Variants in AVEN observed in about 807,000 individuals in gnomAD.
AVEN encodes cell death regulator Aven.
A neutral mutation model predicts 38.1 loss-of-function variants in AVEN; 41 were observed. The observed-to-expected ratio is 1.08, with a 90% CI of 0.84 to 1.40. The LOEUF is 1.40. Ranked by LOEUF, AVEN falls within the 40% of genes most tolerant of loss-of-function variation. The pLI, the probability that AVEN is intolerant of heterozygous loss-of-function variation, is 0.00. For synonymous variants in AVEN, 206 were observed against 171.8 expected (o/e 1.20, Z -1.56); for missense variants, 605 against 438.8 (o/e 1.38, Z -3.38).
At chr15:33,970,713 C>T (rs1027768289) in intron 2 of AVEN, among the ~76,000 whole-genome samples, 1 of 151,808 alleles carries the variant, frequency 6.6e-6, no homozygotes, top group African/African-American at 2.4e-5. Flanking sequence ...TTCTACTATG[C>T]TCAATTTGCT....
intron 3 of AVEN, among the ~76,000 whole-genome samples, chr15:33,873,330 C>T (rs1230206246): frequency 6.6e-6 from 1 of 150,526 alleles, no homozygotes; most frequent in Non-Finnish European, 1.5e-5. Context: ...GAACTCCTGA[C>T]CTCAGGTAAT....
intron 2 of AVEN, chr15:34,067,581 T>TA (rs1900542436): frequency 1.3e-5 from 2 of 152,260 alleles, no homozygotes. Flanking sequence ...TTGGGATTGA[T>TA]ACACAGTATG....
intron 2 of AVEN, among the ~76,000 whole-genome samples, chr15:33,907,420 A>C (rs1045899998): frequency 1.3e-5 from 2 of 152,110 alleles, no homozygotes; most frequent in African/African-American, 4.8e-5. Flanking sequence ...TCCACATGGG[A>C]TTATGCTTTT....
At chr15:34,014,149 G>A (rs1266866584) in intron 1 of AVEN, among the ~76,000 whole-genome samples, 3 of 152,062 alleles carry the variant, frequency 2.0e-5, no homozygotes, top group African/African-American at 7.2e-5. Context: ...GATCACCTGA[G>A]GTCAGGAATT....
At chr15:33,863,189 G>T (rs1889115001), downstream of AVEN, among the ~76,000 whole-genome samples, 1 of 152,126 alleles carries the variant, frequency 6.6e-6, no homozygotes, top group South Asian at 2.1e-4. Flanking sequence ...TTTTATTCGT[G>T]TTTGAGCCTC....
the AVEN span, chr15:33,853,225 G>A: frequency 1.1e-6 from 1 of 913,206 alleles, no homozygotes; most frequent in Non-Finnish European, 1.6e-6. Context: ...GTCACAGAAG[G>A]GGTTGGATAT....
intron 2 of AVEN, among the ~76,000 whole-genome samples, chr15:33,983,798 A>C (rs1315998421): frequency 6.6e-6 from 1 of 152,110 alleles, no homozygotes; most frequent in East Asian, 1.9e-4. Flanking sequence ...ACTAAGAGTA[A>C]CTAAGTGATC....
intron 2 of AVEN, among the ~76,000 whole-genome samples, chr15:33,946,657 G>A (rs556524300): frequency 6.6e-6 from 1 of 152,272 alleles, no homozygotes; most frequent in East Asian, 1.9e-4. Flanking sequence ...TTGCTACAGA[G>A]CAGAGATCTA....
intron 5 of AVEN, among the ~76,000 whole-genome samples, chr15:34,062,303 C>A (rs1900360083): frequency 1.3e-5 from 2 of 152,248 alleles, no homozygotes; most frequent in Non-Finnish European, 2.9e-5. Context: ...CGCCTGTAAT[C>A]CCAGCACTTT....
downstream of AVEN, chr15:33,857,857 C>T (rs781110053): frequency 1.2e-6 from 2 of 1,614,162 alleles, no homozygotes; most frequent in South Asian, 2.2e-5. Context: ...TCCGCAAGTT[C>T]TACAACAAAA....
chr15:34,044,003 C>A (rs1215413313), upstream of AVEN, among the ~76,000 whole-genome samples: 2 of 151,882 alleles, frequency 1.3e-5, no homozygotes, highest in Non-Finnish European at 2.9e-5. Context: ...CCAGCAAATG[C>A]TCCCACTCTC....
At chr15:33,957,303 T>C (rs963828446) in intron 2 of AVEN, among the ~76,000 whole-genome samples, 1 of 152,218 alleles carries the variant, frequency 6.6e-6, no homozygotes, top group Non-Finnish European at 1.5e-5. Context: ...CAAGCTTCCT[T>C]GTCCATTAGA....
At chr15:34,070,132 G>A (rs1157034034) in intron 2 of AVEN, among the ~76,000 whole-genome samples, 1 of 152,194 alleles carries the variant, frequency 6.6e-6, no homozygotes, top group African/African-American at 2.4e-5. Flanking sequence ...GAAAATGAGT[G>A]CCAGCAGGGA....
Position 33,866,733 on chromosome 15 carries a change from G to T in AVEN, c.974-5C>A. 2 of 1,602,454 alleles carry T rather than the reference G, an allele frequency of 1.2e-6. No homozygotes were observed. The highest frequency in any genetic ancestry group is 1.7e-6 in the Non-Finnish European group (2 of 1,171,514). ...TCACAGATGGTTTTGCACAAACTGGGGGAAAAAAAACAATGTTAACACCCT... is the reference window on the plus strand; with the variant it reads ...TCACAGATGGTTTTGCACAAACTGGTGGAAAAAAAACAATGTTAACACCCT... On this transcript the variant is annotated splice_region_variant and splice_polypyrimidine_tract_variant and intron_variant, in intron 5 of 5. Transcript: ENST00000306730.
chr15:33,993,947 T>A (rs1267038534), intron 2 of AVEN, among the ~76,000 whole-genome samples: 1 of 152,266 alleles, frequency 6.6e-6, no homozygotes, highest in Non-Finnish European at 1.5e-5. Context: ...TCCACTTATT[T>A]AAGTATTCAT....
At chr15:33,866,208 CAAGA>C (rs960915132), downstream of AVEN, 5 of 179,608 alleles carry the variant, frequency 2.8e-5, no homozygotes, top group African/African-American at 1.2e-4. Flanking sequence ...GGGCCCCACA[CAAGA>C]AAGGAAAGGA....
chr15:33,858,994 C>G (rs1412769736), exon 12 of AVEN: 2 of 152,612 alleles, frequency 1.3e-5, no homozygotes, highest in Non-Finnish European at 2.9e-5. Flanking sequence ...TTTGATTTTC[C>G]AGGTGTAAGA....
At chr15:34,070,397 C>A (rs1394143536) in intron 2 of AVEN, among the ~76,000 whole-genome samples, 4 of 150,454 alleles carry the variant, frequency 2.7e-5, no homozygotes, top group Admixed American at 2.0e-4. Context: ...TTAAATCGAA[C>A]TCTTTTAGCC....
At chr15:33,970,546 T>G (rs1450832353) in intron 2 of AVEN, among the ~76,000 whole-genome samples, 1 of 151,996 alleles carries the variant, frequency 6.6e-6, no homozygotes, top group Admixed American at 6.6e-5. Context: ...GCTGAACCCT[T>G]AAGGGTTCTT....
Sources: allele counts gnomAD v4.1 joint callset (sites outside exome capture counted in the v4.1 genomes callset), GRCh38; gene constraint gnomAD v4.1.1; transcripts MANE v1.5; gene names NCBI Gene and HGNC (gene_info 2026-07-23, HGNC 2026-07-21).